The following INTS13 variants were observed in gnomAD, a reference collection of about 807,000 sequenced individuals.
INTS13 encodes asunder, spermatogenesis regulator homolog (Drosphila).
INTS13 carries 35 observed loss-of-function variants against 90.2 expected under a neutral mutation model. The ratio of observed to expected loss-of-function variants is 0.39; its 90% CI spans 0.30 to 0.51. The LOEUF is 0.51. Ranked by LOEUF, INTS13 falls within the 20% of genes least tolerant of loss-of-function variation. INTS13 has a pLI of 0.80. For synonymous variants in INTS13, 309 were observed against 277.1 expected, an observed-to-expected ratio of 1.11 and a Z score of -1.14; for missense variants, 601 against 851.2, an observed-to-expected ratio of 0.71 and a Z score of 3.66.
At chr12:26,907,243 T>C (rs1951637495) in intron 15 of INTS13, among the ~76,000 whole-genome samples, 1 of 152,198 alleles carries the variant, frequency 6.6e-6, no homozygotes, top group Non-Finnish European at 1.5e-5. Flanking sequence ...GTGACAGTAC[T>C]GGATTGGTGA....
chr12:26,936,940 G>A (rs938670940), intron 1 of INTS13, 126 bp from the exon 2 acceptor site: 13 of 663,414 alleles, frequency 2.0e-5, no homozygotes, highest in Non-Finnish European at 3.3e-5. Context: ...TATGTTCAAA[G>A]AAATCTGTCC....
At chr12:26,914,180 T>A in intron 12 of INTS13, 52 bp from the exon 13 acceptor site, 4 of 1,469,386 alleles carry the variant, frequency 2.7e-6, no homozygotes, top group Non-Finnish European at 2.7e-6. Flanking sequence ...AAAATAAATA[T>A]CAAAACATCT....
intron 6 of INTS13, among the ~76,000 whole-genome samples, 194 bp from the exon 7 acceptor site, chr12:26,924,677 T>C (rs542977544): frequency 3.9e-5 from 6 of 152,314 alleles, no homozygotes; most frequent in Middle Eastern, 3.4e-3. Flanking sequence ...TCACCACATA[T>C]GTATTAATCA....
At chr12:26,923,616 C>T (rs566261902) in intron 7 of INTS13, among the ~76,000 whole-genome samples, 2 of 152,038 alleles carry the variant, frequency 1.3e-5, no homozygotes, top group Non-Finnish European at 2.9e-5. Context: ...TGTGCTAGCC[C>T]TAAAACAACT....
Position 26,928,749 on chromosome 12 carries a change from G to T in INTS13, c.457C>A (p.Arg153Ser). ...ARTLLMENAE[R>S]VGNRGRIICI... is the part of the protein sequence containing the mutation. ...ATTATTCGTCCTCTATTTCCAACAC[G>T]TTCTGCATTCTCCATGAGTAGAGTA... The change falls in exon 4 of 17, where the codon CGT becomes AGT. Residue 153 changes from arginine (R) to serine (S), a missense_variant. Transcript: ENST00000261191. 1 of 1,613,966 alleles carries T rather than the reference G, an allele frequency of 6.2e-7. No individual in the cohort carries two copies. The highest frequency in any genetic ancestry group is 1.3e-5 in the African/African-American group (1 of 74,956).
chr12:26,907,167 T>C (rs1374849692), intron 15 of INTS13, among the ~76,000 whole-genome samples: 1 of 152,148 alleles, frequency 6.6e-6, no homozygotes, highest in African/African-American at 2.4e-5. Flanking sequence ...CAAAACAATT[T>C]TGAAAAAGAA....
Position 26,924,494 on chromosome 12 carries a change from A to C in INTS13, c.676-11T>G. 1 of 1,592,734 alleles carries C rather than the reference A, an allele frequency of 6.3e-7. No individual in the cohort carries two copies. Among genetic ancestry groups the C allele is most frequent in the East Asian group, 2.3e-5 (1 of 43,956 alleles). On this transcript the variant is annotated splice_polypyrimidine_tract_variant and intron_variant, in intron 6 of 16. Coordinates refer to ENST00000261191, the MANE Select transcript of INTS13 (RefSeq NM_018164.3). ...TAAAACCGGGGACAACTACAGAAAA[A>C]CATACAAGAAAAATAATCCACAAAA...
rs556954742 is a variant in INTS13 at position 26,922,504 on chromosome 12, T to C, written c.889+112A>G. The C allele has an allele frequency of 2.6e-5, 17 of 662,680 alleles. No individual in the cohort carries two copies. The Admixed American group carries it at 4.3e-4, about 17-fold the overall frequency. 41.0% of individuals were successfully genotyped at this position (662,680 alleles called of 1,614,324 possible). ...GTATAGGGTTCGAGACCATCTGAGA[T>C]TTCAGGCATCCACTGGGGGTCTTGG... On this transcript the variant is annotated intron_variant, in intron 8 of 16. Transcript: ENST00000261191.
chr12:26,927,185 C>T (rs776291463), intron 5 of INTS13, among the ~76,000 whole-genome samples: 4 of 152,210 alleles, frequency 2.6e-5, no homozygotes, highest in Non-Finnish European at 4.4e-5. Context: ...GTGAGCCCAT[C>T]AGAACAAAGT....
Position 26,928,796 on chromosome 12 carries a change from GT to G in INTS13, c.409del (p.Thr137LeufsTer24). 1 of 1,614,182 alleles carries G rather than the reference GT, an allele frequency of 6.2e-7. No homozygotes were observed. The highest frequency in any genetic ancestry group is 8.5e-7 in the Non-Finnish European group (1 of 1,180,046). ...VAAVETLCKI[T>X]EYQHEARTLL... ...AGTACGAGCCTCATGTTGGTATTCAGTAATTTTGCAGAGAGTTTCCACTGCT... is the reference window on the plus strand; with the variant it reads ...AGTACGAGCCTCATGTTGGTATTCAGAATTTTGCAGAGAGTTTCCACTGCT... On this transcript the variant is annotated frameshift_variant, in exon 4 of 17. Coordinates refer to ENST00000261191, the MANE Select transcript of INTS13 (RefSeq NM_018164.3). LOFTEE classifies it high-confidence loss of function.
chr12:26,926,254 T>C lies in INTS13; in HGVS notation c.585-403A>G, dbSNP rs549902507. On this transcript the variant is annotated intron_variant, in intron 5 of 16. Coordinates refer to ENST00000261191, the MANE Select transcript of INTS13 (RefSeq NM_018164.3). ...AATTAGTTATTTCCAAGTTATAGGA[T>C]TGGTAATGCTAAAAATTTCCCCCAA... Among the ~76,000 whole-genome samples the C allele has an allele frequency of 9.8e-5, 15 of 152,354 alleles. No homozygotes were observed. The South Asian group carries it at 2.9e-3, about 29-fold the overall frequency.
chr12:26,936,141 C>A (rs1255538106), intron 2 of INTS13, among the ~76,000 whole-genome samples: 3 of 152,210 alleles, frequency 2.0e-5, no homozygotes, highest in South Asian at 4.1e-4. Context: ...CAAGTTTCTT[C>A]TCTTTACCTC....
intron 11 of INTS13, 88 bp downstream of exon 11, chr12:26,915,914 A>T: frequency 2.1e-6 from 2 of 937,302 alleles, no homozygotes; most frequent in Non-Finnish European, 3.1e-6. Context: ...TTTTTTCCAC[A>T]GACCTTAGCA....
At position 26,931,223 on chromosome 12, in the gene INTS13, G is replaced by A. The variant is rs538531294; in HGVS notation, c.301-2318C>T. Among the ~76,000 whole-genome samples the A allele has an allele frequency of 4.6e-5, 7 of 150,988 alleles. No individual in the cohort carries two copies. In the South Asian group the frequency reaches 1.3e-3, roughly 27 times the overall value. ...TTTGGGAGGCCGAGGCAGGCAGATC[G>A]CTTGAGGTTAGGAGATCAAGACCAT... is the stretch of plus-strand genomic sequence containing the variant. On this transcript the variant is annotated intron_variant, in intron 3 of 16. Transcript: ENST00000261191.
intron 8 of INTS13, among the ~76,000 whole-genome samples, chr12:26,921,179 A>G (rs1158659713): frequency 6.6e-6 from 1 of 152,254 alleles, no homozygotes; most frequent in Non-Finnish European, 1.5e-5. Flanking sequence ...GCTTTAGCTA[A>G]AACTTATCTC....
chr12:26,928,568 A>AG (rs1938013847), intron 4 of INTS13, 135 bp downstream of exon 4: 2 of 872,416 alleles, frequency 2.3e-6, no homozygotes, highest in Non-Finnish European at 1.7e-6. Flanking sequence ...AAAAAAAAAA[A>AG]GAAAAAAATC....
At position 26,917,713 on chromosome 12, in the gene INTS13, C is replaced by T. The variant is rs192571885; in HGVS notation, c.910G>A (p.Gly304Ser). The part of the protein sequence containing the change: ...LKSGDSHLGG[G>S]SREGSFKETI... ...TCTTTAAACGAGCCTTCTCGACTGC[C>T]GCCACCTAGATGCGAATCACCTTTA... The change falls in exon 9 of 17, where the codon GGC becomes AGC. Residue 304 changes from glycine to serine, a missense_variant. This residue lies in a region of INTS13 where 284 missense variants were observed against 387.7 expected (regional missense o/e 0.73). Transcript: ENST00000261191. 154 of 1,613,860 alleles carry T rather than the reference C, an allele frequency of 9.5e-5. No homozygotes were observed. Among genetic ancestry groups the T allele is most frequent in the Non-Finnish European group, 1.1e-4 (131 of 1,179,874 alleles).
chr12:26,907,260 G>A (rs543314677), intron 15 of INTS13, among the ~76,000 whole-genome samples: 8 of 151,220 alleles, frequency 5.3e-5, no homozygotes, highest in Non-Finnish European at 7.4e-5. Flanking sequence ...GTGAAAGGAC[G>A]GCCACATAAA....
upstream of INTS13, chr12:26,938,009 A>ACACACGCG (rs552231888): frequency 6.6e-6 from 1 of 152,470 alleles, no homozygotes; most frequent in South Asian, 2.1e-4. Context: ...ACACACACAC[A>ACACACGCG]CGCACTCGGG....
Sources: gnomAD v4.1 joint callset for allele counts (sites outside exome capture counted in the v4.1 genomes callset) on GRCh38, gnomAD v4.1.1 for gene constraint, gnomAD v4.1.1 regional missense constraint, MANE v1.5 for transcripts, NCBI Gene and HGNC (gene_info 2026-07-23, HGNC 2026-07-21) for gene names.